Variants in RPS6KC1 observed in about 807,000 individuals in gnomAD.
RPS6KC1 encodes ribosomal protein S6 kinase C1.
In RPS6KC1, 54 loss-of-function variants were observed where a neutral mutation model predicts 103.8. The ratio of observed to expected loss-of-function variants is 0.52; its 90% confidence interval spans 0.42 to 0.65. RPS6KC1 has a LOEUF of 0.65. RPS6KC1 is among the 30% of genes least tolerant of loss of function. The pLI, the probability that RPS6KC1 is intolerant of heterozygous loss-of-function variation, is 0.00. For synonymous variants in RPS6KC1, 439 were observed against 438.7 expected (o/e 1.00, Z -0.01); for missense variants, 1,151 against 1,253.8 (o/e 0.92, Z 1.24).
At chr1:213,434,182 C>T in the RPS6KC1 span, among the ~76,000 whole-genome samples, 1 of 150,820 alleles carries the variant, frequency 6.6e-6, no homozygotes, top group Admixed American at 6.6e-5. Context: ...TTGCTATTTC[C>T]ATCTGGTATC....
At chr1:213,152,400 G>A (rs1332601091) in intron 6 of RPS6KC1, among the ~76,000 whole-genome samples, 43 of 150,662 alleles carry the variant, frequency 2.9e-4, no homozygotes, top group Admixed American at 7.9e-4. Flanking sequence ...CCTCCCTCCC[G>A]GACGGGGTGG....
the RPS6KC1 span, among the ~76,000 whole-genome samples, chr1:213,573,133 T>G: frequency 6.8e-4 from 103 of 152,356 alleles, 2 homozygotes; most frequent in Admixed American, 2.4e-3. Flanking sequence ...CTGCCCAATC[T>G]GGCCTCCCAT....
At chr1:213,641,593 T>C in the RPS6KC1 span, among the ~76,000 whole-genome samples, 1 of 152,044 alleles carries the variant, frequency 6.6e-6, no homozygotes, top group Non-Finnish European at 1.5e-5. Flanking sequence ...GTTTTCAAAG[T>C]CTTCAATATA....
chr1:213,377,711 A>G, the RPS6KC1 span, among the ~76,000 whole-genome samples: 1 of 152,224 alleles, frequency 6.6e-6, no homozygotes, highest in Non-Finnish European at 1.5e-5. Flanking sequence ...AAATCATTCA[A>G]TACGACAAGG....
chr1:213,628,103 C>G, the RPS6KC1 span, among the ~76,000 whole-genome samples: 1 of 151,988 alleles, frequency 6.6e-6, no homozygotes, highest in African/African-American at 2.4e-5. Context: ...ATTTCAGAGC[C>G]TGTTTGGTCT....
At chr1:213,134,346 TCCTTC>T (rs2086014339) in intron 6 of RPS6KC1, among the ~76,000 whole-genome samples, 1 of 151,946 alleles carries the variant, frequency 6.6e-6, no homozygotes, top group African/African-American at 2.4e-5. Flanking sequence ...CCTTCTCCTC[TCCTTC>T]CCTTTTACCT....
At chr1:213,313,071 G>A in the RPS6KC1 span, among the ~76,000 whole-genome samples, 198 of 152,182 alleles carry the variant, frequency 1.3e-3, 1 homozygote, top group East Asian at 0.013. Context: ...TGGTTATGTC[G>A]CTGGCTTGAT....
chr1:213,486,905 T>C, the RPS6KC1 span, among the ~76,000 whole-genome samples: 24 of 152,306 alleles, frequency 1.6e-4, no homozygotes, highest in Middle Eastern at 3.4e-3. Context: ...GGCCTTGAAA[T>C]TGGATAATTA....
the RPS6KC1 span, among the ~76,000 whole-genome samples, chr1:213,523,686 G>C: frequency 6.6e-6 from 1 of 152,162 alleles, no homozygotes; most frequent in African/African-American, 2.4e-5. Flanking sequence ...TTTAGTGGGG[G>C]TTACAGAAAT....
At chr1:213,676,010 C>T in the RPS6KC1 span, among the ~76,000 whole-genome samples, 1 of 152,168 alleles carries the variant, frequency 6.6e-6, no homozygotes, top group African/African-American at 2.4e-5. Flanking sequence ...TGACTTCTAC[C>T]TTCCCCTGTA....
the RPS6KC1 span, among the ~76,000 whole-genome samples, chr1:213,846,009 C>T: frequency 6.6e-6 from 1 of 151,432 alleles, no homozygotes; most frequent in African/African-American, 2.4e-5. Flanking sequence ...GAAAAAAGGG[C>T]AGGCCGGGCG....
the RPS6KC1 span, among the ~76,000 whole-genome samples, chr1:213,676,713 G>T: frequency 6.6e-6 from 1 of 152,140 alleles, no homozygotes; most frequent in African/African-American, 2.4e-5. Flanking sequence ...TTTAAAAGTG[G>T]AACTAAAAAT....
chr1:213,786,810 C>A, the RPS6KC1 span, among the ~76,000 whole-genome samples: 4 of 152,152 alleles, frequency 2.6e-5, no homozygotes, highest in Non-Finnish European at 5.9e-5. Context: ...CTCCCCAAAT[C>A]TTCTTCCTCA....
At chr1:213,639,470 T>A in the RPS6KC1 span, among the ~76,000 whole-genome samples, 1 of 151,968 alleles carries the variant, frequency 6.6e-6, no homozygotes, top group Admixed American at 6.6e-5. Context: ...AGGGCTGGGG[T>A]GGAGCAGGGA....
At chr1:213,283,134 C>T in the RPS6KC1 span, among the ~76,000 whole-genome samples, 3 of 152,294 alleles carry the variant, frequency 2.0e-5, no homozygotes, top group East Asian at 3.9e-4. Flanking sequence ...AACCTCTACT[C>T]GCTCCGTACA....
chr1:213,598,784 G>T, the RPS6KC1 span, among the ~76,000 whole-genome samples: 1 of 152,010 alleles, frequency 6.6e-6, no homozygotes, highest in African/African-American at 2.4e-5. Flanking sequence ...CAGGCATGAT[G>T]GTGGCACATG....
chr1:213,071,138 CT>C, intron 2 of RPS6KC1, 97 bp downstream of exon 2: 73 of 689,676 alleles, frequency 1.1e-4, no homozygotes, highest in East Asian at 2.0e-4. Flanking sequence ...ACATCAACCT[CT>C]TTTTTTTGAG....
the RPS6KC1 span, among the ~76,000 whole-genome samples, chr1:213,478,062 C>T: frequency 6.6e-6 from 1 of 152,166 alleles, no homozygotes; most frequent in African/African-American, 2.4e-5. Flanking sequence ...GATCTTTTTA[C>T]CATCTCCATA....
chr1:213,340,375 G>A, the RPS6KC1 span, among the ~76,000 whole-genome samples: 2 of 152,178 alleles, frequency 1.3e-5, no homozygotes, highest in African/African-American at 2.4e-5. Flanking sequence ...TTTGTAAAGC[G>A]TGAATTACAA....
Sources: gnomAD v4.1 joint callset for allele counts (sites outside exome capture counted in the v4.1 genomes callset) on GRCh38, gnomAD v4.1.1 for gene constraint, MANE v1.5 for transcripts, NCBI Gene and HGNC (gene_info 2026-07-23, HGNC 2026-07-21) for gene names.